Variants in FRAS1 observed in about 807,000 individuals in gnomAD.
FRAS1 encodes the protein extracellular matrix organizing protein FRAS1.
Under a neutral mutation model 435.2 loss-of-function variants are expected in FRAS1, and 290 were observed. The observed-to-expected ratio is 0.67, with a 90% CI of 0.61 to 0.73. The LOEUF is 0.73. Among genes scored for constraint, FRAS1 ranks in the 30% least tolerant of loss-of-function variants. The pLI is 0.00. For synonymous variants in FRAS1, 1,800 were observed against 1,851.0 expected (o/e 0.97, Z 0.71); for missense variants, 4,860 against 5,001.5 (o/e 0.97, Z 0.85).
At chr4:78,152,039 C>T (rs944752808) in intron 2 of FRAS1, among the ~76,000 whole-genome samples, 2 of 152,174 alleles carry the variant, frequency 1.3e-5, no homozygotes. Flanking sequence ...AACTACTGTT[C>T]TGAACCAGGA....
At chr4:78,136,075 A>C (rs956595341) in intron 2 of FRAS1, among the ~76,000 whole-genome samples, 2 of 152,246 alleles carry the variant, frequency 1.3e-5, no homozygotes, top group Non-Finnish European at 2.9e-5. Flanking sequence ...ACTATAACTC[A>C]TGGCTGAGTG....
At chr4:78,073,921 T>C (rs969995353) in intron 2 of FRAS1, among the ~76,000 whole-genome samples, 1 of 152,190 alleles carries the variant, frequency 6.6e-6, no homozygotes, top group African/African-American at 2.4e-5. Flanking sequence ...AAGAGGCATA[T>C]AGCTTCTGGT....
intron 71 of FRAS1, 100 bp downstream of exon 71, chr4:78,534,715 AC>A: frequency 1.8e-6 from 2 of 1,100,716 alleles, no homozygotes; most frequent in Non-Finnish European, 2.6e-6. Context: ...GCTCTCAGTC[AC>A]CACCCCAGTA....
intron 4 of FRAS1, among the ~76,000 whole-genome samples, chr4:78,247,931 A>G (rs1017770877): frequency 1.3e-5 from 2 of 152,184 alleles, no homozygotes; most frequent in Admixed American, 6.6e-5. Context: ...AGGCAGTTGA[A>G]GTGATACTGT....
At chr4:78,521,940 C>A (rs1721399402) in intron 68 of FRAS1, among the ~76,000 whole-genome samples, 2 of 152,144 alleles carry the variant, frequency 1.3e-5, no homozygotes, top group Non-Finnish European at 2.9e-5. Context: ...AATATCCAGT[C>A]TCTATTCATA....
intron 2 of FRAS1, among the ~76,000 whole-genome samples, chr4:78,084,805 A>G (rs1741065445): frequency 6.6e-6 from 1 of 152,114 alleles, no homozygotes; most frequent in Admixed American, 6.6e-5. Context: ...AATTATTGTT[A>G]CTGGATTGGT....
At chr4:78,190,934 A>G (rs1426619356) in intron 2 of FRAS1, among the ~76,000 whole-genome samples, 1 of 152,258 alleles carries the variant, frequency 6.6e-6, no homozygotes, top group Non-Finnish European at 1.5e-5. Flanking sequence ...AAATGAGGTC[A>G]TAAGAGTGGG....
rs536188494 is a variant in FRAS1 at position 78,086,488 on chromosome 4, C to G, written c.108+20472C>G. On this transcript the variant is annotated intron_variant, in intron 2 of 73. Transcript: ENST00000512123. ...TTCAAAAAATCAATGAATCCAGGAG[C>G]TGATTTTTTGAAAAGATCAACAAAA... 6.6e-5 allele frequency among the ~76,000 whole-genome samples: 10 copies of G among 152,152 alleles called. No individual in the cohort carries two copies. In the East Asian group the frequency reaches 1.5e-3, roughly 24 times the overall value.
intron 18 of FRAS1, among the ~76,000 whole-genome samples, chr4:78,325,901 A>T (rs945243832): frequency 2.0e-5 from 3 of 152,236 alleles, no homozygotes; most frequent in Non-Finnish European, 2.9e-5. Flanking sequence ...GAGAAAGGGC[A>T]TTCTAGGCCA....
intron 2 of FRAS1, among the ~76,000 whole-genome samples, chr4:78,168,215 T>C (rs954055086): frequency 6.6e-6 from 1 of 152,024 alleles, no homozygotes; most frequent in Admixed American, 6.6e-5. Flanking sequence ...ATGCCCTTTG[T>C]AGAGCTCCTC....
chr4:78,359,858 C>T (rs1302172125), intron 20 of FRAS1, among the ~76,000 whole-genome samples: 7 of 152,146 alleles, frequency 4.6e-5, no homozygotes. Flanking sequence ...ACTCTGGGCA[C>T]TCACTCCATC....
At chr4:78,391,582 C>T (rs1732443004) in intron 29 of FRAS1, among the ~76,000 whole-genome samples, 1 of 152,146 alleles carries the variant, frequency 6.6e-6, no homozygotes, top group Non-Finnish European at 1.5e-5. Context: ...ATTAAGATAC[C>T]TCTGGAAATC....
chr4:78,121,328 C>A (rs1238801625), intron 2 of FRAS1, among the ~76,000 whole-genome samples: 1 of 152,132 alleles, frequency 6.6e-6, no homozygotes, highest in Non-Finnish European at 1.5e-5. Context: ...GATATTTAAT[C>A]TTTTCTGGGG....
chr4:78,373,947 A>G (rs1283526541), intron 24 of FRAS1, among the ~76,000 whole-genome samples, 164 bp from the exon 25 acceptor site: 1 of 152,150 alleles, frequency 6.6e-6, no homozygotes, highest in African/African-American at 2.4e-5. Flanking sequence ...GCTGGTAAGT[A>G]TCATAGTGAC....
intron 42 of FRAS1, chr4:78,446,281 C>T: frequency 9.9e-7 from 1 of 1,007,952 alleles, no homozygotes; most frequent in Non-Finnish European, 1.2e-6. Flanking sequence ...TGGAAAGGGG[C>T]TGGCACCAGG....
intron 1 of FRAS1, among the ~76,000 whole-genome samples, chr4:78,058,866 A>C (rs1405073652): frequency 6.6e-6 from 1 of 152,150 alleles, no homozygotes; most frequent in Admixed American, 6.5e-5. Flanking sequence ...TAAGTAAATC[A>C]AGAGTTTGGG....
At position 78,515,836 on chromosome 4, in the gene FRAS1, T is replaced by A; in HGVS notation, c.10212T>A (p.Thr3404=). Residue 3404 remains threonine, a synonymous_variant, in exon 66 of 74, where the codon ACT becomes ACA. Transcript: ENST00000512123. ...GFLDDVVYDS[T]ALGPGYDRPF... ...TGGATGATGTGGTCTATGATAGCAC[T>A]GCCCTGGGGCCTGGCTACGATCGCC... is the stretch of plus-strand genomic sequence containing the variant. The A allele has an allele frequency of 6.2e-7, 1 of 1,614,034 alleles. No individual in the cohort carries two copies. Among genetic ancestry groups the A allele is most frequent in the South Asian group, 1.1e-5 (1 of 91,084 alleles).
At chr4:78,186,465 G>C (rs187205125) in intron 2 of FRAS1, among the ~76,000 whole-genome samples, 6 of 152,172 alleles carry the variant, frequency 3.9e-5, no homozygotes, top group Non-Finnish European at 5.9e-5. Flanking sequence ...TGGAGCCACC[G>C]TATTAAGTTT....
intron 2 of FRAS1, among the ~76,000 whole-genome samples, chr4:78,231,018 G>A (rs575674771): frequency 1.3e-5 from 2 of 152,148 alleles, no homozygotes; most frequent in African/African-American, 2.4e-5. Flanking sequence ...GCAGTGGCAC[G>A]AACTCGGCTC....
Sources: allele counts gnomAD v4.1 joint callset (sites outside exome capture counted in the v4.1 genomes callset), GRCh38; gene constraint gnomAD v4.1.1; transcripts MANE v1.5; gene names NCBI Gene and HGNC (gene_info 2026-07-23, HGNC 2026-07-21).